SLC29A3: variants seen among roughly 807,000 people sequenced by gnomAD.
The protein encoded by SLC29A3 is equilibrative nucleoside transporter 3.
A neutral mutation model predicts 25.4 loss-of-function variants in SLC29A3; 18 were observed. The ratio of observed to expected loss-of-function variants is 0.71; its 90% CI spans 0.49 to 1.05. SLC29A3 has a LOEUF of 1.05. Ranked by LOEUF, SLC29A3 falls within the 50% of genes least tolerant of loss-of-function variation. The probability of loss-of-function intolerance (pLI) is 0.00; values close to 1 mark genes in which losing one functional copy is unlikely to be tolerated. For missense variants in SLC29A3, 586 were observed against 609.0 expected, an observed-to-expected ratio of 0.96 and a Z score of 0.40; for synonymous variants, 258 against 267.1, an observed-to-expected ratio of 0.97 and a Z score of 0.33.
intron 5 of SLC29A3, among the ~76,000 whole-genome samples, chr10:71,357,527 A>C (rs930146546): frequency 6.6e-6 from 1 of 152,148 alleles, no homozygotes; most frequent in African/African-American, 2.4e-5. Context: ...CTAGGATTAC[A>C]GGCATGAGCC....
At chr10:71,330,257 A>G (rs1313159271) in intron 2 of SLC29A3, among the ~76,000 whole-genome samples, 2 of 152,166 alleles carry the variant, frequency 1.3e-5, no homozygotes, top group Non-Finnish European at 2.9e-5. Flanking sequence ...AAAAGGAGTG[A>G]TAGGGCCAAC....
At chr10:71,320,734 G>A (rs929213818) in intron 1 of SLC29A3, among the ~76,000 whole-genome samples, 2 of 152,178 alleles carry the variant, frequency 1.3e-5, no homozygotes, top group African/African-American at 4.8e-5. Flanking sequence ...CAGGGTACAT[G>A]CTACCCCAGC....
chr10:71,326,489 A>G (rs998983091), intron 2 of SLC29A3, among the ~76,000 whole-genome samples: 3 of 152,062 alleles, frequency 2.0e-5, no homozygotes, highest in Non-Finnish European at 4.4e-5. Flanking sequence ...AGTGACTCCA[A>G]CGTCCCAGCT....
At chr10:71,370,762 T>G (rs998665442) in intron 3 of SLC29A3, among the ~76,000 whole-genome samples, 2 of 152,136 alleles carry the variant, frequency 1.3e-5, no homozygotes, top group Non-Finnish European at 2.9e-5. Context: ...AAAGTGCCAT[T>G]GTTTTGCAGT....
intron 2 of SLC29A3, among the ~76,000 whole-genome samples, chr10:71,334,472 T>G (rs927644622): frequency 2.0e-5 from 3 of 152,226 alleles, no homozygotes; most frequent in African/African-American, 7.2e-5. Context: ...TGTCTTCATA[T>G]CACTGACCAC....
intron 3 of SLC29A3, among the ~76,000 whole-genome samples, chr10:71,375,490 A>G (rs1270086447): frequency 1.3e-5 from 2 of 152,228 alleles, no homozygotes; most frequent in African/African-American, 4.8e-5. Context: ...GCCCACTAGA[A>G]TTGAAAACAA....
intron 2 of SLC29A3, among the ~76,000 whole-genome samples, chr10:71,337,816 A>T (rs1846292006): frequency 6.6e-6 from 1 of 152,196 alleles, no homozygotes; most frequent in African/African-American, 2.4e-5. Flanking sequence ...CTTAGCACGG[A>T]GCCTCTCAGT....
chr10:71,350,350 T>TGTGTGTGTG, intron 3 of SLC29A3, among the ~76,000 whole-genome samples: 2 of 151,198 alleles, frequency 1.3e-5, no homozygotes, highest in Non-Finnish European at 2.9e-5. Context: ...TGTGTGTGTG[T>TGTGTGTGTG]ATTTTTCCTA....
Position 71,363,080 on chromosome 10 carries a change from T to C in SLC29A3, c.*472T>C. 1 of 451,228 alleles carries C rather than the reference T, an allele frequency of 2.2e-6. No individual in the cohort carries two copies. The highest frequency in any genetic ancestry group is 1.6e-5 in the South Asian group (1 of 64,246). 28.0% of individuals were successfully genotyped at this position (451,228 alleles called of 1,614,324 possible). On this transcript the variant is annotated 3_prime_UTR_variant, in exon 6 of 6. Transcript: ENST00000373189. ...TCCCTGGAATGGAAGTCCCCTGGCA[T>C]GGTCAGTCCTCAGGCCCAAGACTCA...
At chr10:71,380,974 C>T (rs1847298465) in exon 5 of SLC29A3, 1 of 152,178 alleles carries the variant, frequency 6.6e-6, no homozygotes, top group African/African-American at 2.4e-5. Flanking sequence ...TATCACCCAG[C>T]TTCAACAATG....
In SLC29A3 at chr10:71,323,065, G is replaced by A. The variant is rs752188653; in HGVS notation, c.300+11G>A. 1.1e-5 allele frequency: 18 copies of A among 1,612,274 alleles called. No individual in the cohort carries two copies. In the Admixed American group the frequency reaches 2.8e-4, roughly 25 times the overall value. On this transcript the variant is annotated intron_variant, in intron 2 of 5. Coordinates refer to ENST00000373189, the MANE Select transcript of SLC29A3 (RefSeq NM_018344.6). ...GGCTCAGACATCCTGGTAAGGGCAT[G>A]TTTCTCCTGCAAGGCTGGTGGGAGC...
intron 5 of SLC29A3, among the ~76,000 whole-genome samples, chr10:71,359,481 T>C (rs1415019849): frequency 1.3e-5 from 2 of 152,154 alleles, no homozygotes; most frequent in African/African-American, 4.8e-5. Context: ...CTGACGACGC[T>C]GAATAGAGGG....
At chr10:71,357,101 A>G (rs953172316) in intron 5 of SLC29A3, among the ~76,000 whole-genome samples, 1 of 151,640 alleles carries the variant, frequency 6.6e-6, no homozygotes, top group African/African-American at 2.4e-5. Flanking sequence ...GTGTGCCACC[A>G]CACCCAGCTA....
rs1411259836 is a variant in SLC29A3 at position 71,351,793 on chromosome 10, G to C, written c.610+5G>C. On this transcript the variant is annotated splice_donor_5th_base_variant and intron_variant, in intron 4 of 5. Transcript: ENST00000373189. ...ACTCCCAGGCACTGATATCAGGTGA[G>C]AGCCAGGGTCCGGGCAGCTGACCAG... 1.9e-6 allele frequency: 3 copies of C among 1,607,728 alleles called. No homozygotes were observed. The highest frequency in any genetic ancestry group is 2.5e-6 in the Non-Finnish European group (3 of 1,178,150).
intron 2 of SLC29A3, among the ~76,000 whole-genome samples, chr10:71,336,582 T>C (rs1436281858): frequency 6.6e-6 from 1 of 151,720 alleles, no homozygotes; most frequent in East Asian, 1.9e-4. Context: ...AGTTTTTTTT[T>C]CTTTACCCAA....
intron 3 of SLC29A3, among the ~76,000 whole-genome samples, chr10:71,374,095 G>T (rs1847232493): frequency 6.6e-6 from 1 of 152,154 alleles, no homozygotes; most frequent in African/African-American, 2.4e-5. Flanking sequence ...AAAACACCTG[G>T]TATAGGGCCT....
At chr10:71,354,120 G>C (rs1355017530) in intron 4 of SLC29A3, among the ~76,000 whole-genome samples, 1 of 152,220 alleles carries the variant, frequency 6.6e-6, no homozygotes, top group African/African-American at 2.4e-5. Context: ...CACAGAAATA[G>C]CCAAGCACCT....
chr10:71,355,327 G>A (rs1295336598), intron 4 of SLC29A3, among the ~76,000 whole-genome samples: 2 of 152,240 alleles, frequency 1.3e-5, no homozygotes, highest in Admixed American at 1.3e-4. Context: ...AGGTAGCAGT[G>A]AAAGGTGTGG....
intron 3 of SLC29A3, among the ~76,000 whole-genome samples, chr10:71,347,566 G>T (rs1279671013): frequency 6.6e-6 from 1 of 152,232 alleles, no homozygotes; most frequent in African/African-American, 2.4e-5. Context: ...AGTGTCCTCT[G>T]TTCATGCCTG....
Sources: allele counts gnomAD v4.1 joint callset (sites outside exome capture counted in the v4.1 genomes callset), GRCh38; gene constraint gnomAD v4.1.1; transcripts MANE v1.5; gene names NCBI Gene and HGNC (gene_info 2026-07-23, HGNC 2026-07-21).